THAP5: variants seen among roughly 807,000 people sequenced by gnomAD.
THAP5 encodes THAP domain containing 5.
THAP5 carries 26 observed loss-of-function variants against 34.0 expected under a neutral mutation model. That is an observed-to-expected ratio of 0.77 (90% confidence interval 0.56 to 1.06). The LOEUF (loss-of-function observed/expected upper bound fraction) is 1.06. Ranked by LOEUF, THAP5 falls within the 50% of genes least tolerant of loss-of-function variation. The probability of loss-of-function intolerance (pLI) is 0.00; values close to 1 mark genes in which losing one functional copy is unlikely to be tolerated. For synonymous variants in THAP5, 125 were observed against 153.0 expected, an observed-to-expected ratio of 0.82 and a Z score of 1.35; for missense variants, 394 against 452.8, an observed-to-expected ratio of 0.87 and a Z score of 1.18.
chr7:108,552,300 A>T (rs985660456), downstream of THAP5, among the ~76,000 whole-genome samples: 1 of 152,046 alleles, frequency 6.6e-6, no homozygotes, highest in African/African-American at 2.4e-5. Flanking sequence ...CACACTCCCC[A>T]ATTCCAGAGG....
chr7:108,564,379 G>T lies in THAP5; in HGVS notation c.1000C>A (p.Leu334Ile). 6.2e-7 allele frequency: 1 copy of T among 1,613,764 alleles called. No homozygotes were observed. Among genetic ancestry groups the T allele is most frequent in the Non-Finnish European group, 8.5e-7 (1 of 1,179,852 alleles). ...TGTAGCTTAGAGACTTTCTGCCAAA[G>T]ATGTTCCTTATTTATATCTTGTCTG... is the stretch of plus-strand genomic sequence containing the variant. ...YCRQDINKEH[L>I]WQKVSKLHSK... Residue 334 changes from leucine to isoleucine, a missense_variant, in exon 3 of 3, where the codon CTT (leucine) becomes ATT (isoleucine). By Grantham distance (5) the Leu-to-Ile change is conservative. Transcript: ENST00000415914.
chr7:108,554,325 G>T (rs1864372180), downstream of THAP5, among the ~76,000 whole-genome samples: 1 of 152,144 alleles, frequency 6.6e-6, no homozygotes, highest in Non-Finnish European at 1.5e-5. Flanking sequence ...GGGAAGTAAT[G>T]CATGCAAAAA....
downstream of THAP5, among the ~76,000 whole-genome samples, chr7:108,560,998 C>T (rs533776674): frequency 6.6e-5 from 10 of 152,262 alleles, no homozygotes; most frequent in East Asian, 1.9e-4. Flanking sequence ...GCCCCCAGAG[C>T]GTTGAGATTA....
Position 108,565,962 on chromosome 7 carries a change from T to C in THAP5, c.141A>G (p.Ser47=). The stretch of plus-strand genomic sequence containing the variant: ...GAAACTGGTATTTACTGGGAACCCA[T>C]GAATCTCGCTTCATATTCTTTAACC... The part of the protein sequence containing the change: ...EKWLKNMKRD[S]WVPSKYQFLC... The change falls in exon 2 of 3, where the codon TCA becomes TCG. Residue 47 remains serine, a synonymous_variant. Transcript: ENST00000415914. 6.4e-7 allele frequency: 1 copy of C among 1,550,598 alleles called. No homozygotes were observed. Among genetic ancestry groups the C allele is most frequent in the South Asian group, 1.2e-5 (1 of 83,894 alleles).
At chr7:108,549,847 G>T (rs1050813173), downstream of THAP5, among the ~76,000 whole-genome samples, 2 of 152,098 alleles carry the variant, frequency 1.3e-5, no homozygotes, top group African/African-American at 4.8e-5. Context: ...TTCATTTGAA[G>T]AACTCGATGT....
chr7:108,560,992 C>T (rs1564008955), downstream of THAP5, among the ~76,000 whole-genome samples: 1 of 152,070 alleles, frequency 6.6e-6, no homozygotes, highest in East Asian at 1.9e-4. Flanking sequence ...CTTTGGGCCC[C>T]CAGAGCGTTG....
Position 108,565,984 on chromosome 7 carries a change from A to C in THAP5, c.119T>G (p.Leu40Ter), listed in dbSNP as rs1790479079. The C allele has an allele frequency of 2.6e-6, 4 of 1,544,418 alleles. No individual in the cohort carries two copies. The African/African-American group carries it at 5.5e-5, about 21-fold the overall frequency. Residue 40 changes from leucine to a stop codon, truncating the protein, a stop_gained, in exon 2 of 3, where the codon TTA (leucine) becomes TGA (stop). Transcript: ENST00000415914. LOFTEE classifies it high-confidence loss of function. Reference protein sequence around the residue: ...LHDKERLEKWLKNMKRDSWVP... With the variant: ...LHDKERLEKW ...CCATGAATCTCGCTTCATATTCTTT[A>C]ACCACTTTTCCAGTCTTTCTTTGTC...
chr7:108,568,909 T>C (rs1284061443), intron 1 of THAP5, among the ~76,000 whole-genome samples: 3 of 152,210 alleles, frequency 2.0e-5, no homozygotes, highest in Admixed American at 6.5e-5. Flanking sequence ...GATGGAAATA[T>C]ATCGTGGCTC....
At position 108,564,541 on chromosome 7, in the gene THAP5, T is replaced by A; in HGVS notation, c.838A>T (p.Asn280Tyr). 6.2e-7 allele frequency: 1 copy of A among 1,613,808 alleles called. No individual in the cohort carries two copies. Among genetic ancestry groups the A allele is most frequent in the Non-Finnish European group, 8.5e-7 (1 of 1,179,892 alleles). Residue 280 changes from asparagine (N) to tyrosine (Y), a missense_variant, in exon 3 of 3, where the codon AAT becomes TAT. By Grantham distance (143) the Asn-to-Tyr change is moderately radical. Coordinates refer to ENST00000415914, the MANE Select transcript of THAP5 (RefSeq NM_001130475.3). ...SVIAIFVPAE[N>Y]SKPSVNSFIS... ...AAAGAATTAACTGAGGGTTTAGAATTTTCAGCAGGTACAAAAATGGCAATA... is the reference window on the plus strand; with the variant it reads ...AAAGAATTAACTGAGGGTTTAGAATATTCAGCAGGTACAAAAATGGCAATA...
chr7:108,561,516 A>G (rs185305057), downstream of THAP5, among the ~76,000 whole-genome samples: 8 of 148,868 alleles, frequency 5.4e-5, no homozygotes, highest in East Asian at 1.6e-3. Flanking sequence ...CAATCTGTCT[A>G]CCTGGTCCTC....
chr7:108,555,576 T>C (rs1342931094), intron 1 of THAP5, among the ~76,000 whole-genome samples: 2 of 152,168 alleles, frequency 1.3e-5, no homozygotes, highest in Non-Finnish European at 2.9e-5. Flanking sequence ...TGAGACTGGG[T>C]AATTTCTGAA....
chr7:108,569,359 C>A (rs1790560162), intron 1 of THAP5, 131 bp downstream of exon 1: 10 of 1,502,096 alleles, frequency 6.7e-6, no homozygotes, highest in African/African-American at 1.4e-5. Flanking sequence ...CTCCGTCTTG[C>A]CGCGGGCGAC....
At chr7:108,567,025 C>T (rs1436200431) in intron 1 of THAP5, among the ~76,000 whole-genome samples, 1 of 152,088 alleles carries the variant, frequency 6.6e-6, no homozygotes, top group Non-Finnish European at 1.5e-5. Context: ...TATACACTCC[C>T]TTCCCGCAAT....
intron 1 of THAP5, among the ~76,000 whole-genome samples, chr7:108,557,108 C>G (rs1864391667): frequency 6.6e-6 from 1 of 152,232 alleles, no homozygotes. Flanking sequence ...GGTGCCATGT[C>G]CCAGGGCTGT....
the THAP5 span, among the ~76,000 whole-genome samples, chr7:108,541,816 CCT>C: frequency 4.7e-3 from 713 of 152,286 alleles, 6 homozygotes; most frequent in Non-Finnish European, 7.6e-3. Context: ...AAGCAAATCC[CCT>C]GTTGCAGGTT....
At chr7:108,548,693 A>T in the THAP5 span, among the ~76,000 whole-genome samples, 1 of 152,226 alleles carries the variant, frequency 6.6e-6, no homozygotes, top group Non-Finnish European at 1.5e-5. Context: ...AGCAGGCAAG[A>T]GAGCTTGTGT....
chr7:108,557,668 C>A (rs1864396451), downstream of THAP5, among the ~76,000 whole-genome samples: 2 of 152,348 alleles, frequency 1.3e-5, no homozygotes, highest in East Asian at 3.9e-4. Context: ...TGATCACAAC[C>A]ATTCAACAAG....
Position 108,564,606 on chromosome 7 carries a change from T to A in THAP5, c.773A>T (p.Asn258Ile). The change falls in exon 3 of 3, where the codon AAT (asparagine) becomes ATT (isoleucine). Residue 258 changes from asparagine (N) to isoleucine (I), a missense_variant. Transcript: ENST00000415914. ...TGTGTTTAATTCTTCAACTGTTTGA[T>A]TAATTGTGCTGAATAAGAATGGATT... is the stretch of plus-strand genomic sequence containing the variant. ...QENPFLFSTI[N>I]QTVEELNTNK... is the part of the protein sequence containing the mutation. 1 of 1,613,984 alleles carries A rather than the reference T, an allele frequency of 6.2e-7. No homozygotes were observed. The highest frequency in any genetic ancestry group is 1.3e-5 in the African/African-American group (1 of 75,062).
intron 1 of THAP5, among the ~76,000 whole-genome samples, chr7:108,555,702 C>CTTTTT (rs11344007): frequency 7.8e-6 from 1 of 128,854 alleles, no homozygotes; most frequent in Non-Finnish European, 1.6e-5. Context: ...GCACCTTTTT[C>CTTTTT]TTTTTTTTTT....
Sources: allele counts gnomAD v4.1 joint callset (sites outside exome capture counted in the v4.1 genomes callset), GRCh38; gene constraint gnomAD v4.1.1; transcripts MANE v1.5; gene names NCBI Gene and HGNC (gene_info 2026-07-23, HGNC 2026-07-21).